The following RFX2 variants were observed in gnomAD, a reference collection of about 807,000 sequenced individuals.
The protein encoded by RFX2 is DNA-binding protein RFX2.
A neutral mutation model predicts 87.8 loss-of-function variants in RFX2; 20 were observed. That is an observed-to-expected ratio of 0.23 (90% CI 0.16 to 0.33). The LOEUF (loss-of-function observed/expected upper bound fraction) is 0.33, where lower values mean the gene tolerates loss of function less well. Ranked by LOEUF, RFX2 falls within the 10% of genes least tolerant of loss-of-function variation. RFX2 has a pLI of 1.00. For missense variants in RFX2, 767 were observed against 1,012.3 expected (o/e 0.76, Z 3.29); for synonymous variants, 397 against 431.3 (o/e 0.92, Z 0.98).
At position 6,004,178 on chromosome 19, in the gene RFX2, C is replaced by T. The variant is rs762043286; in HGVS notation, c.1500+23G>A. 5.7e-6 allele frequency: 9 copies of T among 1,589,184 alleles called. No homozygotes were observed. Among genetic ancestry groups the T allele is most frequent in the Admixed American group, 3.3e-5 (2 of 59,962 alleles). ...GCCCCTCCCAGCCATCGTTGGGGAG[C>T]CCAGGCCCCACCCCGGACGCACCTT... On this transcript the variant is annotated intron_variant, in intron 13 of 17. Coordinates refer to ENST00000303657, the MANE Select transcript of RFX2 (RefSeq NM_000635.4). This position sits in a 1 kb window ranked among gnomAD's most constrained non-coding sequence, Gnocchi z 4.8.
chr19:6,094,524 G>A (rs1222199457), intron 1 of RFX2, among the ~76,000 whole-genome samples: 3 of 152,144 alleles, frequency 2.0e-5, no homozygotes, highest in East Asian at 1.9e-4. Flanking sequence ...GTATCTGCAC[G>A]CCAGTAAGTA....
At chr19:6,070,655 G>A (rs968355070) in intron 1 of RFX2, among the ~76,000 whole-genome samples, 1 of 152,132 alleles carries the variant, frequency 6.6e-6, no homozygotes, top group Non-Finnish European at 1.5e-5. Flanking sequence ...ATGCCTGACA[G>A]AAGCCCCACT....
rs1321426979 is a variant in RFX2, at chr19:5,994,401, C to T, written c.*434G>A. On this transcript the variant is annotated 3_prime_UTR_variant, in exon 18 of 18. Coordinates refer to ENST00000303657, the MANE Select transcript of RFX2 (RefSeq NM_000635.4). ...GGCAGGTAGGAGGGGAGAGGCCGTC[C>T]CTTTCTAGTCGGGCTCTGCCAGGTT... 3.8e-5 allele frequency: 6 copies of T among 156,622 alleles called. No individual in the cohort carries two copies. The highest frequency in any genetic ancestry group is 3.7e-4 in the Admixed American group (6 of 16,072). 9.7% of individuals were successfully genotyped at this position (156,622 alleles called of 1,614,324 possible). A position where few individuals can be genotyped will look rare whatever the true frequency, so the allele number is the denominator to read the frequency against.
chr19:6,040,622 G>A lies in RFX2; in HGVS notation c.261-381C>T, dbSNP rs1208835255. Among the ~76,000 whole-genome samples, 1 of 152,110 alleles carries A rather than the reference G, an allele frequency of 6.6e-6. No individual in the cohort carries two copies. Among genetic ancestry groups the A allele is most frequent in the East Asian group, 1.9e-4 (1 of 5,186 alleles). On this transcript the variant is annotated intron_variant, in intron 4 of 17. Coordinates refer to ENST00000303657, the MANE Select transcript of RFX2 (RefSeq NM_000635.4). The surrounding 1 kb of genome is among the most constrained non-coding windows in gnomAD (Gnocchi z 6.1). ...AAAAATAAAAGATTTAGCCAGGTGT[G>A]GTGGTGCGTGCCGGTAGTCCCAGCT...
chr19:6,088,998 T>C (rs1183970409), intron 1 of RFX2, among the ~76,000 whole-genome samples: 1 of 152,176 alleles, frequency 6.6e-6, no homozygotes, highest in African/African-American at 2.4e-5. Context: ...TCAGATAATT[T>C]TGTATGTCCT....
At chr19:6,073,895 G>A (rs1343035070) in intron 1 of RFX2, among the ~76,000 whole-genome samples, 1 of 152,194 alleles carries the variant, frequency 6.6e-6, no homozygotes, top group Non-Finnish European at 1.5e-5. Context: ...GGAAGTATCT[G>A]AGAGGGTGAA....
chr19:6,107,293 CTCAAACAA>C (rs1468035258), intron 1 of RFX2, among the ~76,000 whole-genome samples: 1 of 148,820 alleles, frequency 6.7e-6, no homozygotes, highest in African/African-American at 2.5e-5. Context: ...AAGACTCTGT[CTCAAACAA>C]ACAAACAAAC....
At position 6,101,836 on chromosome 19, in the gene RFX2, G is replaced by A. The variant is rs2144907721; in HGVS notation, c.-9+8557C>T. Among the ~76,000 whole-genome samples, 1 of 152,242 alleles carries A rather than the reference G, an allele frequency of 6.6e-6. No individual in the cohort carries two copies. Among genetic ancestry groups the A allele is most frequent in the African/African-American group, 2.4e-5 (1 of 41,538 alleles). On this transcript the variant is annotated intron_variant, in intron 1 of 17. Coordinates refer to ENST00000303657, the MANE Select transcript of RFX2 (RefSeq NM_000635.4). This position sits in a 1 kb window ranked among gnomAD's most constrained non-coding sequence, Gnocchi z 4.9. Reference sequence around the variant, plus strand: ...TCTCCCTCTACCTAAGAGTCCCTTTGAGATCTCTGCTTAGCATGGTTCACA... The same window carrying A: ...TCTCCCTCTACCTAAGAGTCCCTTTAAGATCTCTGCTTAGCATGGTTCACA...
At chr19:6,088,108 C>T (rs1366853728) in intron 1 of RFX2, among the ~76,000 whole-genome samples, 1 of 151,928 alleles carries the variant, frequency 6.6e-6, no homozygotes, top group East Asian at 1.9e-4. Flanking sequence ...CCCCTGAACA[C>T]AGAGCCCTTC....
chr19:6,047,356 G>A lies in RFX2; in HGVS notation c.90+51C>T. ...TCTGAGCAGCTTTCAAACCCATAGA[G>A]ATCGCGTCCACACTGTGGCCACCCT... On this transcript the variant is annotated intron_variant, in intron 2 of 17. Coordinates refer to ENST00000303657, the MANE Select transcript of RFX2 (RefSeq NM_000635.4). The surrounding 1 kb of genome is among the most constrained non-coding windows in gnomAD (Gnocchi z 4.2). 1 of 1,423,726 alleles carries A rather than the reference G, an allele frequency of 7.0e-7. No individual in the cohort carries two copies. The highest frequency in any genetic ancestry group is 9.7e-7 in the Non-Finnish European group (1 of 1,033,854). 88.2% of individuals were successfully genotyped at this position (1,423,726 alleles called of 1,614,324 possible). A position where few individuals can be genotyped will look rare whatever the true frequency, so the allele number is the denominator to read the frequency against.
chr19:5,997,012 C>T lies in RFX2; in HGVS notation c.2013+48G>A. 1 of 1,571,088 alleles carries T rather than the reference C, an allele frequency of 6.4e-7. No homozygotes were observed. Among genetic ancestry groups the T allele is most frequent in the Non-Finnish European group, 8.6e-7 (1 of 1,161,932 alleles). ...CTGCTCAGAGCACACCGCCCTCTCC[C>T]CACAGGCCCGGCCAAGCCCCGGCCG... On this transcript the variant is annotated intron_variant, in intron 16 of 17. Transcript: ENST00000303657. The surrounding 1 kb of genome is among the most constrained non-coding windows in gnomAD (Gnocchi z 4.2).
At chr19:6,060,098 C>T (rs540782354) in intron 1 of RFX2, among the ~76,000 whole-genome samples, 80 of 152,224 alleles carry the variant, frequency 5.3e-4, no homozygotes, top group Middle Eastern at 3.4e-3. Flanking sequence ...TTTCTGACAC[C>T]GCCTCTGCAC....
chr19:6,016,227 A>G lies in RFX2; in HGVS notation c.642T>C (p.Ser214=), dbSNP rs748233469. ...LDNYETAEGV[S]LPRSSLYNHY... Reference sequence around the variant, plus strand: ...GGTTGTAAAGAGAACTTCTGGGGAGACTCACACCTTCCGCTGTTTCATAAT... The same window carrying G: ...GGTTGTAAAGAGAACTTCTGGGGAGGCTCACACCTTCCGCTGTTTCATAAT... The change falls in exon 7 of 18, where the codon AGT becomes AGC. Residue 214 remains serine (S), a synonymous_variant. Transcript: ENST00000303657. This position sits in a 1 kb window ranked among gnomAD's most constrained non-coding sequence, Gnocchi z 5.4. 1 of 1,612,120 alleles carries G rather than the reference A, an allele frequency of 6.2e-7. No homozygotes were observed. Among genetic ancestry groups the G allele is most frequent in the East Asian group, 2.2e-5 (1 of 44,812 alleles).
chr19:6,073,311 G>A (rs2087636336), intron 1 of RFX2: 3 of 1,208,258 alleles, frequency 2.5e-6, no homozygotes, highest in South Asian at 1.2e-5. Context: ...CACTGGTCAT[G>A]GGAGCAACAA....
In RFX2 at chr19:6,016,252, T is replaced by C; in HGVS notation, c.617A>G (p.Asn206Ser). The C allele has an allele frequency of 6.2e-7, 1 of 1,608,268 alleles. No individual in the cohort carries two copies. Among genetic ancestry groups the C allele is most frequent in the Non-Finnish European group, 8.5e-7 (1 of 1,177,172 alleles). ...ACTCACACCTTCCGCTGTTTCATAA[T>C]TATCCAACAGCCACTGGAGCTGTAA... Reference protein sequence around the residue: ...LNSHLQWLLDNYETAEGVSLP... With the variant: ...LNSHLQWLLDSYETAEGVSLP... Residue 206 changes from asparagine to serine, a missense_variant, in exon 7 of 18, where the codon AAT (asparagine) becomes AGT (serine). Asn to Ser is a conservative substitution (Grantham distance 46). Transcript: ENST00000303657. This position sits in a 1 kb window ranked among gnomAD's most constrained non-coding sequence, Gnocchi z 5.4.
At chr19:6,090,436 G>A (rs1354877659) in intron 1 of RFX2, among the ~76,000 whole-genome samples, 1 of 150,604 alleles carries the variant, frequency 6.6e-6, no homozygotes, top group Non-Finnish European at 1.5e-5. Flanking sequence ...GAAAGCACAT[G>A]AAAAGAGGCT....
At position 6,061,854 on chromosome 19, in the gene RFX2, C is replaced by T. The variant is rs980006049; in HGVS notation, c.-8-14350G>A. Among the ~76,000 whole-genome samples, 2 of 152,056 alleles carry T rather than the reference C, an allele frequency of 1.3e-5. No homozygotes were observed. Among genetic ancestry groups the T allele is most frequent in the Non-Finnish European group, 2.9e-5 (2 of 68,028 alleles). ...AAGGGAATGATATAGCTGATGTGCCCACCCCGAGTGTGGATCCCAGCAGGT... is the reference window on the plus strand; with the variant it reads ...AAGGGAATGATATAGCTGATGTGCCTACCCCGAGTGTGGATCCCAGCAGGT... On this transcript the variant is annotated intron_variant, in intron 1 of 17. Transcript: ENST00000303657. This position sits in a 1 kb window ranked among gnomAD's most constrained non-coding sequence, Gnocchi z 5.2.
chr19:6,010,054 C>G lies in RFX2; in HGVS notation c.1015+82G>C. ...ACTGTCGGAAGCAGACGCTTAGACA[C>G]CACTGGTTCTGCTGGTGTTGAAACC... On this transcript the variant is annotated intron_variant, in intron 9 of 17. Coordinates refer to ENST00000303657, the MANE Select transcript of RFX2 (RefSeq NM_000635.4). This position sits in a 1 kb window ranked among gnomAD's most constrained non-coding sequence, Gnocchi z 5.0. 1.2e-6 allele frequency: 1 copy of G among 808,960 alleles called. No individual in the cohort carries two copies. Among genetic ancestry groups the G allele is most frequent in the Non-Finnish European group, 2.0e-6 (1 of 503,378 alleles). 50.1% of individuals were successfully genotyped at this position (808,960 alleles called of 1,614,324 possible).
intron 1 of RFX2, among the ~76,000 whole-genome samples, chr19:6,093,103 G>C (rs1328790656): frequency 1.3e-5 from 2 of 152,178 alleles, no homozygotes; most frequent in African/African-American, 2.4e-5. Context: ...AACGCCAAGG[G>C]GAGGAAGTCC....
Sources: allele counts gnomAD v4.1 joint callset (sites outside exome capture counted in the v4.1 genomes callset), GRCh38; gene constraint gnomAD v4.1.1; non-coding constraint Gnocchi (gnomAD v3.1); transcripts MANE v1.5; gene names NCBI Gene and HGNC (gene_info 2026-07-23, HGNC 2026-07-21).